Variants in MAPKAP1 observed in about 807,000 individuals in gnomAD.
The protein encoded by MAPKAP1 is MAPK associated protein 1.
MAPKAP1 carries 20 observed loss-of-function variants against 65.7 expected under a neutral mutation model. The ratio of observed to expected loss-of-function variants is 0.30; its 90% CI spans 0.21 to 0.44. The LOEUF is 0.44. MAPKAP1 is among the 20% of genes least tolerant of loss of function. MAPKAP1 has a pLI of 1.00. For missense variants in MAPKAP1, 423 were observed against 648.0 expected, an observed-to-expected ratio of 0.65 and a Z score of 3.77; for synonymous variants, 222 against 244.3, an observed-to-expected ratio of 0.91 and a Z score of 0.85.
At chr9:125,620,885 G>A (rs1832877404) in intron 4 of MAPKAP1, among the ~76,000 whole-genome samples, 1 of 137,046 alleles carries the variant, frequency 7.3e-6, no homozygotes, top group South Asian at 2.3e-4. Flanking sequence ...GTGGACAGGA[G>A]GGAGTGAGAC....
At chr9:125,443,707 C>G (rs10986760) in intron 11 of MAPKAP1, among the ~76,000 whole-genome samples, 1 of 145,864 alleles carries the variant, frequency 6.9e-6, no homozygotes, top group Non-Finnish European at 1.5e-5. Flanking sequence ...CTCCCCCAGC[C>G]CCCCCAGCCC....
At chr9:125,616,186 C>G (rs1384961462) in intron 4 of MAPKAP1, among the ~76,000 whole-genome samples, 3 of 151,986 alleles carry the variant, frequency 2.0e-5, no homozygotes, top group African/African-American at 7.3e-5. Context: ...CAGAAAAAAA[C>G]AGAAATCAGA....
chr9:125,536,232 T>C (rs1303709234), intron 7 of MAPKAP1, among the ~76,000 whole-genome samples: 1 of 152,160 alleles, frequency 6.6e-6, no homozygotes, highest in Non-Finnish European at 1.5e-5. Flanking sequence ...CTGTACTCTA[T>C]ATTTGGGAAG....
At chr9:125,614,782 T>C (rs114833915) in intron 4 of MAPKAP1, among the ~76,000 whole-genome samples, 112 of 152,334 alleles carry the variant, frequency 7.4e-4, no homozygotes, top group Middle Eastern at 3.4e-3. Context: ...AAAGGACTTT[T>C]ATTAACCCAA....
chr9:125,463,103 CTTT>C (rs1853558291), intron 10 of MAPKAP1, among the ~76,000 whole-genome samples: 1 of 152,230 alleles, frequency 6.6e-6, no homozygotes, highest in East Asian at 1.9e-4. Context: ...TTGCCATCTT[CTTT>C]AACTAGTCAT....
rs988628509 is a variant in MAPKAP1, at chr9:125,662,779, CATAA to C, written c.350-4984_350-4981del. On this transcript the variant is annotated intron_variant, in intron 3 of 11. Coordinates refer to ENST00000265960, the MANE Select transcript of MAPKAP1 (RefSeq NM_001006617.3). ...TTAAACATTTCTTTATAATAATTAACATAAATAATTTTAAATGATATAGAGAATA... is the reference window on the plus strand; with the variant it reads ...TTAAACATTTCTTTATAATAATTAACATAATTTTAAATGATATAGAGAATA... Among the ~76,000 whole-genome samples, 19 of 151,692 alleles carry C rather than the reference CATAA, an allele frequency of 1.3e-4. 1 individual carries two copies. The highest frequency in any genetic ancestry group is 2.9e-4 in the African/African-American group (12 of 41,372).
intron 4 of MAPKAP1, among the ~76,000 whole-genome samples, chr9:125,601,598 T>A (rs1335438105): frequency 6.6e-6 from 1 of 152,220 alleles, no homozygotes; most frequent in Non-Finnish European, 1.5e-5. Flanking sequence ...AAAGTTAGAA[T>A]TTAATTAGAT....
At chr9:125,597,359 A>G (rs1425065078) in intron 4 of MAPKAP1, among the ~76,000 whole-genome samples, 3 of 148,506 alleles carry the variant, frequency 2.0e-5, no homozygotes, top group Admixed American at 6.8e-5. Flanking sequence ...GGTTCACTTG[A>G]GCCTGGGAGG....
In MAPKAP1 at chr9:125,462,891, A is replaced by C. The variant is rs183186788; in HGVS notation, c.1345+5081T>G. On this transcript the variant is annotated intron_variant, in intron 10 of 11. Coordinates refer to ENST00000265960, the MANE Select transcript of MAPKAP1 (RefSeq NM_001006617.3). ...TGCTGGAAAAGCTATTTTTGTACAG[A>C]TGTGGAATTCAATGGGAAAGACTGA... Among the ~76,000 whole-genome samples the C allele has an allele frequency of 6.8e-4, 104 of 152,298 alleles. 1 individual carries two copies. In the East Asian group the frequency reaches 0.018, roughly 26 times the overall value.
intron 10 of MAPKAP1, among the ~76,000 whole-genome samples, chr9:125,452,604 A>G (rs1470975347): frequency 6.6e-6 from 1 of 152,044 alleles, no homozygotes; most frequent in Admixed American, 6.5e-5. Flanking sequence ...TGTGGATTAT[A>G]CCTATCAACA....
chr9:125,657,363 G>A (rs1229202021), intron 4 of MAPKAP1, among the ~76,000 whole-genome samples: 3 of 151,606 alleles, frequency 2.0e-5, no homozygotes, highest in African/African-American at 7.3e-5. Flanking sequence ...GTGTGTTGGG[G>A]AGGATTAAAA....
chr9:125,663,543 A>G (rs569127883), intron 3 of MAPKAP1, among the ~76,000 whole-genome samples: 1 of 152,166 alleles, frequency 6.6e-6, no homozygotes, highest in Admixed American at 6.5e-5. Context: ...TCTACCCCCA[A>G]TCGAATATAA....
intron 10 of MAPKAP1, among the ~76,000 whole-genome samples, chr9:125,450,191 G>A (rs974395709): frequency 6.6e-6 from 1 of 152,194 alleles, no homozygotes; most frequent in Admixed American, 6.5e-5. Context: ...ACTGGTCAGA[G>A]CTGGAGCTGC....
chr9:125,686,035 C>T (rs1044156794), intron 1 of MAPKAP1, among the ~76,000 whole-genome samples: 3 of 152,066 alleles, frequency 2.0e-5, no homozygotes, highest in African/African-American at 7.2e-5. Context: ...TTAAGAAAAG[C>T]GGCCAGTGCA....
At chr9:125,683,575 G>A (rs1834886767) in intron 1 of MAPKAP1, among the ~76,000 whole-genome samples, 1 of 152,128 alleles carries the variant, frequency 6.6e-6, no homozygotes, top group African/African-American at 2.4e-5. Flanking sequence ...ATCACCGCAA[G>A]GAAATGAATT....
At chr9:125,459,375 C>T (rs1589211037) in intron 10 of MAPKAP1, among the ~76,000 whole-genome samples, 1 of 151,394 alleles carries the variant, frequency 6.6e-6, no homozygotes, top group East Asian at 2.0e-4. Flanking sequence ...AGACGATGGG[C>T]GGCCAGGCAG....
intron 5 of MAPKAP1, among the ~76,000 whole-genome samples, chr9:125,560,358 G>C (rs778908538): frequency 5.0e-4 from 76 of 152,252 alleles, no homozygotes; most frequent in Non-Finnish European, 7.6e-4. Flanking sequence ...GGCTGAGGCA[G>C]GCAGATCGCT....
intron 5 of MAPKAP1, among the ~76,000 whole-genome samples, chr9:125,570,602 A>G (rs753366661): frequency 4.6e-5 from 7 of 152,248 alleles, no homozygotes; most frequent in Non-Finnish European, 8.8e-5. Flanking sequence ...AGTTAACATT[A>G]TAATATGCAA....
At chr9:125,702,433 C>G (rs970671035) in intron 1 of MAPKAP1, among the ~76,000 whole-genome samples, 4 of 152,080 alleles carry the variant, frequency 2.6e-5, no homozygotes, top group African/African-American at 9.7e-5. Flanking sequence ...ACTCAGGAGG[C>G]TGAGGCAGGA....
Sources: allele counts gnomAD v4.1 joint callset (sites outside exome capture counted in the v4.1 genomes callset), GRCh38; gene constraint gnomAD v4.1.1; transcripts MANE v1.5; gene names NCBI Gene and HGNC (gene_info 2026-07-23, HGNC 2026-07-21).